Variants in DPY19L3 observed in about 807,000 individuals in gnomAD.
The protein encoded by DPY19L3 is protein C-mannosyl-transferase DPY19L3.
A neutral mutation model predicts 92.3 loss-of-function variants in DPY19L3; 51 were observed. The ratio of observed to expected loss-of-function variants is 0.55; its 90% CI spans 0.44 to 0.70. The LOEUF (loss-of-function observed/expected upper bound fraction) is 0.70. DPY19L3 is among the 30% of genes least tolerant of loss of function. The pLI is 0.00. For missense variants in DPY19L3, 706 were observed against 855.9 expected (o/e 0.82, Z 2.18); for synonymous variants, 309 against 315.2 (o/e 0.98, Z 0.21).
At chr19:32,435,695 T>A (rs1355933994) in intron 4 of DPY19L3, among the ~76,000 whole-genome samples, 1 of 152,228 alleles carries the variant, frequency 6.6e-6, no homozygotes, top group African/African-American at 2.4e-5. Flanking sequence ...TTGCACTGTT[T>A]TAATAGGAGC....
intron 16 of DPY19L3, 59 bp downstream of exon 16, chr19:32,468,872 C>A (rs925342449): frequency 2.4e-5 from 37 of 1,512,146 alleles, no homozygotes; most frequent in Middle Eastern, 3.6e-4. Context: ...TCACTATAGA[C>A]CACATTTCGT....
chr19:32,416,672 C>A (rs28729153), intron 3 of DPY19L3, among the ~76,000 whole-genome samples: 14 of 152,250 alleles, frequency 9.2e-5, no homozygotes, highest in African/African-American at 3.4e-4. Flanking sequence ...TTCGAGGGTC[C>A]CATTGGAAGC....
At chr19:32,414,463 A>G (rs954716640) in intron 3 of DPY19L3, among the ~76,000 whole-genome samples, 6 of 151,348 alleles carry the variant, frequency 4.0e-5, no homozygotes, top group African/African-American at 1.5e-4. Flanking sequence ...GCATGGTGGC[A>G]CATGCCTGTA....
intron 8 of DPY19L3, among the ~76,000 whole-genome samples, chr19:32,449,315 A>C (rs1969621273): frequency 1.3e-5 from 2 of 152,200 alleles, no homozygotes; most frequent in African/African-American, 4.8e-5. Flanking sequence ...CTTGGATTGG[A>C]ATACTTACTG....
rs1970150773 is a variant in DPY19L3 at position 32,464,752 on chromosome 19, C to T, written c.1582C>T (p.Pro528Ser). Residue 528 changes from proline (P) to serine (S), a missense_variant, in exon 15 of 19, where the codon CCG (proline) becomes TCG (serine). Transcript: ENST00000392250. ...GATATGTATAATGCGATATTCAGTA[C>T]CGATATTAATACTGCTGTATCTATG... is the stretch of plus-strand genomic sequence containing the variant. ...KRICIMRYSV[P>S]ILILLYLCYK... 1 of 1,525,048 alleles carries T rather than the reference C, an allele frequency of 6.6e-7. No individual in the cohort carries two copies. The highest frequency in any genetic ancestry group is 8.9e-7 in the Non-Finnish European group (1 of 1,121,616). The allele number at this position is 1,525,048 out of a possible 1,614,324, so 94.5% of individuals were successfully genotyped here. A position where few individuals can be genotyped will look rare whatever the true frequency, so the allele number is the denominator to read the frequency against.
intron 16 of DPY19L3, among the ~76,000 whole-genome samples, chr19:32,469,593 G>A (rs1238975298): frequency 6.6e-6 from 1 of 152,036 alleles, no homozygotes; most frequent in Non-Finnish European, 1.5e-5. Flanking sequence ...TGACAGCTCA[G>A]TGCGGATTTC....
At chr19:32,456,513 G>A (rs372153002) in intron 10 of DPY19L3, among the ~76,000 whole-genome samples, 31 of 151,386 alleles carry the variant, frequency 2.0e-4, no homozygotes, top group East Asian at 1.2e-3. Context: ...CTTGGCTCAC[G>A]GCAGTCTTGA....
intron 16 of DPY19L3, among the ~76,000 whole-genome samples, chr19:32,473,872 C>T (rs1329490860): frequency 6.6e-6 from 1 of 152,116 alleles, no homozygotes; most frequent in Non-Finnish European, 1.5e-5. Flanking sequence ...GGCGTGATCT[C>T]GGCTCACTGC....
At chr19:32,474,725 G>T (rs1303540249) in intron 16 of DPY19L3, among the ~76,000 whole-genome samples, 1 of 152,084 alleles carries the variant, frequency 6.6e-6, no homozygotes, top group African/African-American at 2.4e-5. Flanking sequence ...TGAGTAGCTG[G>T]CATTACAGGC....
At chr19:32,481,949 G>A (rs1203868045) in intron 18 of DPY19L3, 130 bp from the exon 19 acceptor site, 10 of 1,046,514 alleles carry the variant, frequency 9.6e-6, no homozygotes, top group African/African-American at 1.6e-5. Context: ...AGGTGCCCAT[G>A]GACATTGAAA....
At chr19:32,463,724 A>C (rs1316392643) in intron 13 of DPY19L3, 145 bp from the exon 14 acceptor site, 14 of 881,790 alleles carry the variant, frequency 1.6e-5, no homozygotes, top group Non-Finnish European at 2.1e-5. Flanking sequence ...GGAGTTAAAC[A>C]ACGAACCCTT....
At chr19:32,417,062 C>T (rs1346013539) in intron 3 of DPY19L3, among the ~76,000 whole-genome samples, 1 of 152,240 alleles carries the variant, frequency 6.6e-6, no homozygotes, top group African/African-American at 2.4e-5. Context: ...AACAAAGACA[C>T]TCTCATCACT....
chr19:32,406,474 C>T (rs1231873182), intron 1 of DPY19L3, among the ~76,000 whole-genome samples: 1 of 152,154 alleles, frequency 6.6e-6, no homozygotes, highest in African/African-American at 2.4e-5. Context: ...ATTCTCCCAC[C>T]TCAGCCTCTG....
Position 32,467,055 on chromosome 19 carries a change from T to G in DPY19L3, c.1615-1676T>G, listed in dbSNP as rs531497688. Among the ~76,000 whole-genome samples, 66 of 152,318 alleles carry G rather than the reference T, an allele frequency of 4.3e-4. 1 individual carries two copies. Among genetic ancestry groups the G allele is most frequent in the African/African-American group, 1.6e-3 (66 of 41,580 alleles). Reference sequence around the variant, plus strand: ...AATTTTGCTGTATTTCTCTTTAGTATAAGCATATTAAAAGGGAAAAAAGCA... The same window carrying G: ...AATTTTGCTGTATTTCTCTTTAGTAGAAGCATATTAAAAGGGAAAAAAGCA... On this transcript the variant is annotated intron_variant, in intron 15 of 18. Transcript: ENST00000392250.
chr19:32,435,015 A>G (rs1259053576), intron 4 of DPY19L3, among the ~76,000 whole-genome samples: 2 of 152,164 alleles, frequency 1.3e-5, no homozygotes, highest in African/African-American at 2.4e-5. Flanking sequence ...GGCTTAAACA[A>G]CAGAGATTTT....
intron 8 of DPY19L3, among the ~76,000 whole-genome samples, chr19:32,444,470 A>G (rs1969423349): frequency 6.6e-6 from 1 of 152,210 alleles, no homozygotes; most frequent in South Asian, 2.1e-4. Context: ...GTGAGACTAT[A>G]ATGAAAAGTC....
At chr19:32,471,800 G>A (rs1314331905) in intron 16 of DPY19L3, among the ~76,000 whole-genome samples, 1 of 152,138 alleles carries the variant, frequency 6.6e-6, no homozygotes, top group East Asian at 1.9e-4. Flanking sequence ...ATCCTCAAGG[G>A]AAAATAAAGG....
intron 3 of DPY19L3, among the ~76,000 whole-genome samples, chr19:32,429,325 C>T (rs956032260): frequency 2.6e-5 from 4 of 152,172 alleles, no homozygotes; most frequent in African/African-American, 9.7e-5. Context: ...TGTATATTTT[C>T]ACGGGTGTGA....
Position 32,441,358 on chromosome 19 carries a change from G to A in DPY19L3, c.855+1448G>A, listed in dbSNP as rs529199862. Among the ~76,000 whole-genome samples, 17 of 152,174 alleles carry A rather than the reference G, an allele frequency of 1.1e-4. No individual in the cohort carries two copies. The East Asian group carries it at 2.5e-3, about 22-fold the overall frequency. The stretch of plus-strand genomic sequence containing the variant: ...TTCCCCCATATTTTTTTGAAAAAGC[G>A]AAACATAGAGAAAATGAGTAAAGGT... On this transcript the variant is annotated intron_variant, in intron 8 of 18. Transcript: ENST00000392250.
Sources: allele counts gnomAD v4.1 joint callset (sites outside exome capture counted in the v4.1 genomes callset), GRCh38; gene constraint gnomAD v4.1.1; transcripts MANE v1.5; gene names NCBI Gene and HGNC (gene_info 2026-07-23, HGNC 2026-07-21).